The following DIP2C variants were observed in gnomAD, a reference collection of about 807,000 sequenced individuals.
DIP2C encodes DIP2 acetate--CoA ligase C (putative), also known as disco-interacting protein 2 homolog C.
In DIP2C, 33 loss-of-function variants were observed where a neutral mutation model predicts 192.4. The observed-to-expected ratio is 0.17, with a 90% CI of 0.13 to 0.23. The LOEUF (loss-of-function observed/expected upper bound fraction) is 0.23, where lower values mean the gene tolerates loss of function less well. Among genes scored for constraint, DIP2C ranks in the 10% least tolerant of loss-of-function variants. The pLI is 1.00. For missense variants in DIP2C, 1,537 were observed against 2,110.1 expected, an observed-to-expected ratio of 0.73 and a Z score of 5.32; for synonymous variants, 979 against 864.1, an observed-to-expected ratio of 1.13 and a Z score of -2.33.
intron 2 of DIP2C, among the ~76,000 whole-genome samples, chr10:473,863 T>C (rs964646859): frequency 1.4e-4 from 22 of 152,256 alleles, no homozygotes; most frequent in Non-Finnish European, 2.5e-4. Context: ...GTGGACTTCA[T>C]ATTCCTTACT....
At chr10:544,199 T>C (rs563929711) in intron 1 of DIP2C, among the ~76,000 whole-genome samples, 2 of 151,868 alleles carry the variant, frequency 1.3e-5, no homozygotes, top group South Asian at 4.1e-4. Flanking sequence ...TGAGTGGAAT[T>C]GCACAGTGCT....
intron 32 of DIP2C, among the ~76,000 whole-genome samples, chr10:304,619 CAA>C (rs1956218929): frequency 6.6e-6 from 1 of 152,130 alleles, no homozygotes; most frequent in Non-Finnish European, 1.5e-5. Flanking sequence ...ACTCCACATA[CAA>C]AATACAAGGC....
At chr10:683,265 G>A (rs372889683) in intron 1 of DIP2C, among the ~76,000 whole-genome samples, 119 of 152,334 alleles carry the variant, frequency 7.8e-4, no homozygotes, top group Non-Finnish European at 1.2e-3. Context: ...TGCAGGCTCC[G>A]AAGAGGCGGA....
At chr10:377,143 T>G (rs1416961472) in intron 17 of DIP2C, among the ~76,000 whole-genome samples, 2 of 145,956 alleles carry the variant, frequency 1.4e-5, no homozygotes, top group Admixed American at 6.8e-5. Flanking sequence ...GCAGCGCAGT[T>G]TTTTTTTTTT....
chr10:406,745 AAAG>A (rs1423453900), intron 9 of DIP2C, among the ~76,000 whole-genome samples: 1 of 152,082 alleles, frequency 6.6e-6, no homozygotes, highest in Non-Finnish European at 1.5e-5. Context: ...GCATGACCCT[AAAG>A]GGGTCATGCA....
intron 1 of DIP2C, among the ~76,000 whole-genome samples, chr10:499,029 T>C (rs973069002): frequency 6.6e-6 from 1 of 152,184 alleles, no homozygotes; most frequent in Non-Finnish European, 1.5e-5. Context: ...AACCACCAGT[T>C]TTCATGCAAG....
At chr10:449,331 A>G (rs1256501076) in intron 3 of DIP2C, among the ~76,000 whole-genome samples, 1 of 152,190 alleles carries the variant, frequency 6.6e-6, no homozygotes, top group Non-Finnish European at 1.5e-5. Flanking sequence ...TTATTTAGGC[A>G]AACAAAATTA....
At chr10:327,488 G>T (rs1048180086) in intron 30 of DIP2C, among the ~76,000 whole-genome samples, 2 of 152,222 alleles carry the variant, frequency 1.3e-5, no homozygotes, top group African/African-American at 4.8e-5. Context: ...ATGAAAGGCC[G>T]TTCGGGAAAA....
chr10:305,240 C>T (rs1045235230), intron 32 of DIP2C, among the ~76,000 whole-genome samples: 2 of 152,226 alleles, frequency 1.3e-5, no homozygotes, highest in African/African-American at 2.4e-5. Context: ...CAGGCAAGCT[C>T]GCACATGTAC....
chr10:555,792 G>T (rs933447869), intron 1 of DIP2C, among the ~76,000 whole-genome samples: 3 of 152,062 alleles, frequency 2.0e-5, no homozygotes, highest in Non-Finnish European at 4.4e-5. Flanking sequence ...GCAAGGTCAC[G>T]CAGGATGCCA....
intron 10 of DIP2C, among the ~76,000 whole-genome samples, chr10:395,148 G>GGGGGGAGGGAGGAGT (rs1963884948): frequency 1.6e-5 from 1 of 63,782 alleles, no homozygotes; most frequent in East Asian, 6.4e-4. Context: ...GGGAGGAGAT[G>GGGGGGAGGGAGGAGT]GGGGGGAGGG....
intron 4 of DIP2C, among the ~76,000 whole-genome samples, chr10:424,879 A>G (rs938267245): frequency 2.0e-5 from 3 of 152,234 alleles, no homozygotes; most frequent in African/African-American, 7.2e-5. Context: ...ACTCAACATA[A>G]TAGCAGCAAA....
At chr10:360,836 T>C (rs1959390639) in intron 22 of DIP2C, among the ~76,000 whole-genome samples, 1 of 152,222 alleles carries the variant, frequency 6.6e-6, no homozygotes, top group South Asian at 2.1e-4. Flanking sequence ...TGGGTGTCAA[T>C]AGGCTGTCTC....
At chr10:405,747 C>T (rs539971772) in intron 9 of DIP2C, among the ~76,000 whole-genome samples, 4 of 152,292 alleles carry the variant, frequency 2.6e-5, no homozygotes, top group East Asian at 3.9e-4. Flanking sequence ...CAGGCATCAG[C>T]CGATCAGGAG....
In DIP2C at chr10:369,701, C is replaced by CA. The variant is rs770932053; in HGVS notation, c.1992-69dup. The CA allele has an allele frequency of 2.5e-6, 4 of 1,612,030 alleles. No homozygotes were observed. In the African/African-American group the frequency reaches 5.3e-5, roughly 21 times the overall value. On this transcript the variant is annotated intron_variant, in intron 17 of 36. Transcript: ENST00000280886. Reference sequence around the variant, plus strand: ...GCCATCACAATCACAGATGTGCAGTCAGCACACATGCGGCAGGCTGGGCAC... The same window carrying CA: ...GCCATCACAATCACAGATGTGCAGTCAAGCACACATGCGGCAGGCTGGGCAC...
At chr10:603,334 C>CA (rs1491589258) in intron 1 of DIP2C, among the ~76,000 whole-genome samples, 4 of 72,766 alleles carry the variant, frequency 5.5e-5, no homozygotes, top group African/African-American at 3.2e-4. Context: ...AAAAAAAAAA[C>CA]CAACCATGAG....
chr10:304,664 AAC>A lies in DIP2C; in HGVS notation c.3986+5365_3986+5366del, dbSNP rs1325247722. ...AGACTCAGTGTGCATGTGCACATGCAACACACACACAATACTCACATAGCCCA... is the reference window on the plus strand; with the variant it reads ...AGACTCAGTGTGCATGTGCACATGCAACACACACAATACTCACATAGCCCA... On this transcript the variant is annotated intron_variant, in intron 32 of 36. Transcript: ENST00000280886. Among the ~76,000 whole-genome samples the A allele has an allele frequency of 2.8e-3, 410 of 147,176 alleles. 3 individuals are homozygous for A. The highest frequency in any genetic ancestry group is 9.6e-3 in the African/African-American group (387 of 40,350).
intron 3 of DIP2C, among the ~76,000 whole-genome samples, chr10:457,792 G>C (rs1475432609): frequency 6.6e-6 from 1 of 152,154 alleles, no homozygotes; most frequent in African/African-American, 2.4e-5. Flanking sequence ...CTGTCTTCAA[G>C]CTCTCCTCCA....
At chr10:361,085 G>A (rs1200485919) in intron 22 of DIP2C, among the ~76,000 whole-genome samples, 1 of 152,182 alleles carries the variant, frequency 6.6e-6, no homozygotes, top group Non-Finnish European at 1.5e-5. Flanking sequence ...AGCTCTGCCA[G>A]TTAATATTTG....
Sources: allele counts gnomAD v4.1 joint callset (sites outside exome capture counted in the v4.1 genomes callset), GRCh38; gene constraint gnomAD v4.1.1; transcripts MANE v1.5; gene names NCBI Gene and HGNC (gene_info 2026-07-23, HGNC 2026-07-21).